The following NCAM1 variants were observed in gnomAD, a reference collection of about 807,000 sequenced individuals.
The protein encoded by NCAM1 is antigen recognized by monoclonal antibody 5.1H11.
In NCAM1, 14 loss-of-function variants were observed where a neutral mutation model predicts 109.8. That is an observed-to-expected ratio of 0.13 (90% CI 0.08 to 0.20). The LOEUF is 0.20. Ranked by LOEUF, NCAM1 falls within the 10% of genes least tolerant of loss-of-function variation. The pLI is 1.00. For synonymous variants in NCAM1, 418 were observed against 442.9 expected, an observed-to-expected ratio of 0.94 and a Z score of 0.70; for missense variants, 774 against 1,109.9, an observed-to-expected ratio of 0.70 and a Z score of 4.30.
intron 1 of NCAM1, among the ~76,000 whole-genome samples, chr11:113,124,267 A>G (rs1768128784): frequency 6.6e-6 from 1 of 152,130 alleles, no homozygotes; most frequent in South Asian, 2.1e-4. Flanking sequence ...GGACTATTCT[A>G]CCATCTCCCT....
intron 14 of NCAM1, among the ~76,000 whole-genome samples, chr11:113,237,887 TATAG>T: frequency 3.0e-5 from 1 of 33,506 alleles, no homozygotes; most frequent in East Asian, 3.1e-3. Context: ...TATATAGATA[TATAG>T]ATATAGATAT....
At chr11:113,147,802 G>A (rs1048969667) in intron 1 of NCAM1, among the ~76,000 whole-genome samples, 3 of 152,140 alleles carry the variant, frequency 2.0e-5, no homozygotes, top group Non-Finnish European at 2.9e-5. Context: ...TTAAAGCTAT[G>A]CCATTTACAG....
At chr11:113,218,622 C>G (rs1200488228) in intron 8 of NCAM1, among the ~76,000 whole-genome samples, 1 of 152,144 alleles carries the variant, frequency 6.6e-6, no homozygotes, top group Non-Finnish European at 1.5e-5. Flanking sequence ...CACACTCTAC[C>G]TTTGATCATG....
At chr11:113,133,264 G>A (rs1941473328) in intron 1 of NCAM1, 1 of 152,164 alleles carries the variant, frequency 6.6e-6, no homozygotes, top group Non-Finnish European at 1.5e-5. Context: ...ATATCTCTAT[G>A]TTTTGTTATT....
rs1019466741 is a variant in NCAM1, at chr11:112,962,165, C to T, written c.52+501C>T. Among the ~76,000 whole-genome samples the T allele has an allele frequency of 1.6e-4, 25 of 152,202 alleles. No homozygotes were observed. The highest frequency in any genetic ancestry group is 6.5e-4 in the Admixed American group (10 of 15,282). On this transcript the variant is annotated intron_variant, in intron 1 of 19. Coordinates refer to ENST00000316851, the MANE Select transcript of NCAM1 (RefSeq NM_181351.5). This position sits in a 1 kb window ranked among gnomAD's most constrained non-coding sequence, Gnocchi z 5.6. The stretch of plus-strand genomic sequence containing the variant: ...GTTATATTCCTGGGTCTAATAAAGT[C>T]AGGATCGCTGCTTTGCTTCCCCCGC...
chr11:112,993,280 A>C (rs1951512905), intron 1 of NCAM1, among the ~76,000 whole-genome samples: 1 of 152,140 alleles, frequency 6.6e-6, no homozygotes, highest in African/African-American at 2.4e-5. Flanking sequence ...GTACAGGCAT[A>C]TCACATGGGG....
At chr11:113,058,997 T>C (rs557516038) in intron 1 of NCAM1, among the ~76,000 whole-genome samples, 4 of 152,338 alleles carry the variant, frequency 2.6e-5, no homozygotes, top group African/African-American at 9.6e-5. Context: ...ATGTATTTCA[T>C]TAATACATTT....
intron 1 of NCAM1, among the ~76,000 whole-genome samples, chr11:113,144,152 G>C (rs1941931395): frequency 6.6e-6 from 1 of 152,196 alleles, no homozygotes; most frequent in Admixed American, 6.5e-5. Flanking sequence ...TTTCTAATCT[G>C]TAAATAATAG....
At chr11:112,984,908 TC>T (rs1951255301) in intron 1 of NCAM1, among the ~76,000 whole-genome samples, 1 of 151,842 alleles carries the variant, frequency 6.6e-6, no homozygotes, top group South Asian at 2.1e-4. Flanking sequence ...TTTGATGTAG[TC>T]CCACTTGTTT....
chr11:113,017,365 T>C (rs1466328261), intron 1 of NCAM1, among the ~76,000 whole-genome samples: 11 of 152,226 alleles, frequency 7.2e-5, no homozygotes, highest in Non-Finnish European at 1.5e-4. Flanking sequence ...ATTATGCTTT[T>C]CAAATCTTTA....
chr11:113,207,401 T>G (rs782424337), intron 6 of NCAM1, 23 bp downstream of exon 6: 3 of 1,582,706 alleles, frequency 1.9e-6, no homozygotes, highest in Non-Finnish European at 2.6e-6. Context: ...CTCATACCTT[T>G]TATCATGGAC....
chr11:113,087,010 T>C (rs1035627769), intron 1 of NCAM1, among the ~76,000 whole-genome samples: 7 of 152,218 alleles, frequency 4.6e-5, no homozygotes, highest in African/African-American at 1.4e-4. Flanking sequence ...ATGGCAACTG[T>C]GCAGATTAGT....
chr11:113,140,847 G>C (rs1391452918), intron 1 of NCAM1, among the ~76,000 whole-genome samples: 1 of 152,148 alleles, frequency 6.6e-6, no homozygotes, highest in South Asian at 2.1e-4. Context: ...TATACTAAAG[G>C]CAAGATACAA....
chr11:112,976,957 C>T (rs1376860016), intron 1 of NCAM1, among the ~76,000 whole-genome samples: 2 of 149,376 alleles, frequency 1.3e-5, no homozygotes, highest in South Asian at 2.1e-4. Context: ...TTCCTTAAAG[C>T]ATTAGGTGCA....
intron 1 of NCAM1, among the ~76,000 whole-genome samples, chr11:113,174,326 C>A (rs1943084034): frequency 6.6e-6 from 1 of 152,288 alleles, no homozygotes; most frequent in African/African-American, 2.4e-5. Flanking sequence ...GACTCCATTT[C>A]CCCGACAAAC....
intron 1 of NCAM1, among the ~76,000 whole-genome samples, chr11:113,020,716 T>C (rs1204436419): frequency 1.3e-5 from 2 of 152,122 alleles, no homozygotes; most frequent in Non-Finnish European, 1.5e-5. Flanking sequence ...ATTGGATTTG[T>C]TACTTCATTT....
rs188041552 is a variant in NCAM1, at chr11:113,233,462, G to A, written c.1693+145G>A. ...CAAAGTCATATCTGCCTGTAGAGTT[G>A]TTGCCCCTATTGCCACCCCAACCCA... On this transcript the variant is annotated intron_variant, in intron 13 of 19. Transcript: ENST00000316851. This position sits in a 1 kb window ranked among gnomAD's most constrained non-coding sequence, Gnocchi z 4.5. 5.5e-6 allele frequency: 5 copies of A among 909,002 alleles called. No homozygotes were observed. Among genetic ancestry groups the A allele is most frequent in the Admixed American group, 5.2e-5 (2 of 38,296 alleles). 56.3% of individuals were successfully genotyped at this position (909,002 alleles called of 1,614,324 possible). A position where few individuals can be genotyped will look rare whatever the true frequency, so the allele number is the denominator to read the frequency against.
intron 1 of NCAM1, among the ~76,000 whole-genome samples, chr11:113,018,474 TG>T (rs1477934391): frequency 6.6e-6 from 1 of 152,186 alleles, no homozygotes; most frequent in Non-Finnish European, 1.5e-5. Context: ...ATTGTTCATG[TG>T]TGCGTTCCCC....
chr11:113,104,462 T>G (rs1940054378), intron 1 of NCAM1, among the ~76,000 whole-genome samples: 2 of 151,986 alleles, frequency 1.3e-5, no homozygotes, highest in Admixed American at 6.6e-5. Context: ...CATTTGAAAC[T>G]TATCTATTTG....
Sources: gnomAD v4.1 joint callset for allele counts (sites outside exome capture counted in the v4.1 genomes callset) on GRCh38, gnomAD v4.1.1 for gene constraint, Gnocchi (gnomAD v3.1) non-coding constraint, MANE v1.5 for transcripts, NCBI Gene and HGNC (gene_info 2026-07-23, HGNC 2026-07-21) for gene names.